The following AP5Z1 variants were observed in gnomAD, a reference collection of about 807,000 sequenced individuals.
AP5Z1 encodes the protein AP-5 complex subunit zeta-1.
A neutral mutation model predicts 83.0 loss-of-function variants in AP5Z1; 106 were observed. The observed-to-expected ratio is 1.28, with a 90% CI of 1.09 to 1.50. The LOEUF is 1.50. Ranked by LOEUF, AP5Z1 falls within the 40% of genes most tolerant of loss-of-function variation. The pLI is 0.00. For missense variants in AP5Z1, 1,565 were observed against 1,094.2 expected (o/e 1.43, Z -6.07); for synonymous variants, 751 against 514.1 (o/e 1.46, Z -6.23).
At chr7:4,778,931 G>T (rs1781296212) in intron 1 of AP5Z1, among the ~76,000 whole-genome samples, 1 of 146,216 alleles carries the variant, frequency 6.8e-6, no homozygotes, top group Admixed American at 6.9e-5. Context: ...TACTTGAAAG[G>T]CTGAGGTGGG....
At chr7:4,785,980 C>G (rs143694710) in intron 9 of AP5Z1, among the ~76,000 whole-genome samples, 2 of 152,198 alleles carry the variant, frequency 1.3e-5, no homozygotes, top group South Asian at 2.1e-4. Flanking sequence ...AATAAACAGA[C>G]TCTTTTTGCT....
chr7:4,786,573 A>G, intron 10 of AP5Z1, 145 bp downstream of exon 10: 2 of 923,804 alleles, frequency 2.2e-6, no homozygotes, highest in Non-Finnish European at 3.3e-6. Context: ...GTGCAGGGTG[A>G]GGTGGGGATC....
chr7:4,790,590 T>C lies in AP5Z1; in HGVS notation c.1937T>C (p.Val646Ala). The C allele has an allele frequency of 1.2e-6, 2 of 1,612,834 alleles. No homozygotes were observed. The highest frequency in any genetic ancestry group is 1.7e-6 in the Non-Finnish European group (2 of 1,179,802). ...AGCAGGGCGAGCCTCGTCACCAGCG[T>C]GGTAAGGCGGGCGCTGGCCTCCCAC... Reference protein sequence around the residue: ...LCSRASLVTSVVWAIGEYLSV... With the variant: ...LCSRASLVTSAVWAIGEYLSV... Residue 646 changes from valine to alanine, a missense_variant and splice_region_variant, in exon 15 of 17, where the codon GTG becomes GCG. Coordinates refer to ENST00000649063, the MANE Select transcript of AP5Z1 (RefSeq NM_014855.3).
intron 13 of AP5Z1, among the ~76,000 whole-genome samples, chr7:4,789,504 T>G (rs1583239752): frequency 6.6e-6 from 1 of 151,950 alleles, no homozygotes; most frequent in Non-Finnish European, 1.5e-5. Flanking sequence ...GCCTGGGAGG[T>G]GGGGAGGCCG....
rs566489527 is a variant in AP5Z1, at chr7:4,787,457, G to A, written c.1312-177G>A. ...GCTATGATTGCACCACTGCACTCCAGCCTGGGCGACAGAGCAAGACCCTGT... is the reference window on the plus strand; with the variant it reads ...GCTATGATTGCACCACTGCACTCCAACCTGGGCGACAGAGCAAGACCCTGT... On this transcript the variant is annotated intron_variant, in intron 10 of 16. Coordinates refer to ENST00000649063, the MANE Select transcript of AP5Z1 (RefSeq NM_014855.3). 1.0e-4 allele frequency: 97 copies of A among 947,694 alleles called. No individual in the cohort carries two copies. In the South Asian group the frequency reaches 1.7e-3, roughly 17 times the overall value. The allele number at this position is 947,694 out of a possible 1,614,324, so 58.7% of individuals were successfully genotyped here.
In AP5Z1 at chr7:4,793,389, C is replaced by G. The variant is rs143513418; in HGVS notation, c.*2004C>G. On this transcript the variant is annotated 3_prime_UTR_variant, in exon 17 of 17. Coordinates refer to ENST00000649063, the MANE Select transcript of AP5Z1 (RefSeq NM_014855.3). Reference sequence around the variant, plus strand: ...GCTGGCAGTCCTCACAGCCCTCGCTCGCTCTTGGCGCCTCCTCTGCCTGGG... The same window carrying G: ...GCTGGCAGTCCTCACAGCCCTCGCTGGCTCTTGGCGCCTCCTCTGCCTGGG... The G allele has an allele frequency of 6.6e-6, 1 of 152,550 alleles. No homozygotes were observed. The highest frequency in any genetic ancestry group is 2.1e-4 in the South Asian group (1 of 4,840). The allele number at this position is 152,550 out of a possible 1,614,324, so 9.4% of individuals were successfully genotyped here. A position where few individuals can be genotyped will look rare whatever the true frequency, so the allele number is the denominator to read the frequency against.
rs1037695706 is a variant in AP5Z1, at chr7:4,788,638, C to G, written c.1596-202C>G. The G allele has an allele frequency of 5.6e-6, 3 of 540,444 alleles. No individual in the cohort carries two copies. The Admixed American group carries it at 1.0e-4, about 19-fold the overall frequency. The allele number at this position is 540,444 out of a possible 1,614,324, so 33.5% of individuals were successfully genotyped here. On this transcript the variant is annotated intron_variant, in intron 12 of 16. Coordinates refer to ENST00000649063, the MANE Select transcript of AP5Z1 (RefSeq NM_014855.3). ...CCTCCTGCCCTCAGCCCACGCCAGC[C>G]TTTGTCCCGATGGCTTTACTGTCCC...
rs772238165 is a variant in AP5Z1 at position 4,793,297 on chromosome 7, G to T, written c.*1912G>T. Reference sequence around the variant, plus strand: ...ACTGAAATTTTAGAATAGTTTTTCAGATTTACAGAAAAGATGATAAACCTT... The same window carrying T: ...ACTGAAATTTTAGAATAGTTTTTCATATTTACAGAAAAGATGATAAACCTT... On this transcript the variant is annotated 3_prime_UTR_variant, in exon 17 of 17. Transcript: ENST00000649063. 1 of 152,280 alleles carries T rather than the reference G, an allele frequency of 6.6e-6. No individual in the cohort carries two copies. Among genetic ancestry groups the T allele is most frequent in the African/African-American group, 2.4e-5 (1 of 41,476 alleles). 9.4% of individuals were successfully genotyped at this position (152,280 alleles called of 1,614,324 possible).
In AP5Z1 at chr7:4,792,940, C is replaced by G. The variant is rs78049494; in HGVS notation, c.*1555C>G. 0.039 allele frequency: 6,149 copies of G among 159,588 alleles called. 407 individuals carry two copies. The highest frequency in any genetic ancestry group is 0.14 in the African/African-American group (5,784 of 41,612). The allele number at this position is 159,588 out of a possible 1,614,324, so 9.9% of individuals were successfully genotyped here. On this transcript the variant is annotated 3_prime_UTR_variant, in exon 17 of 17. Transcript: ENST00000649063. ...CCCTAGGCTCGGAATGAGTCTCCCA[C>G]TGAGTCCGCAGCTCCCCTCCTGCCC...
rs1781789924 is a variant in AP5Z1 at position 4,791,927 on chromosome 7, G to A, written c.*542G>A. Reference sequence around the variant, plus strand: ...TGCACAGCCCGGAAGGCAGCGGCGCGAGTTCCCGGGTGTGGTCACCGCTCT... The same window carrying A: ...TGCACAGCCCGGAAGGCAGCGGCGCAAGTTCCCGGGTGTGGTCACCGCTCT... On this transcript the variant is annotated 3_prime_UTR_variant, in exon 17 of 17. Coordinates refer to ENST00000649063, the MANE Select transcript of AP5Z1 (RefSeq NM_014855.3). The A allele has an allele frequency of 6.5e-6, 1 of 153,738 alleles. No homozygotes were observed. The highest frequency in any genetic ancestry group is 6.5e-5 in the Admixed American group (1 of 15,458). The allele number at this position is 153,738 out of a possible 1,614,324, so 9.5% of individuals were successfully genotyped here.
At position 4,794,301 on chromosome 7, in the gene AP5Z1, G is replaced by A. The variant is rs1781882664; in HGVS notation, c.*2916G>A. On this transcript the variant is annotated 3_prime_UTR_variant, in exon 17 of 17. Coordinates refer to ENST00000649063, the MANE Select transcript of AP5Z1 (RefSeq NM_014855.3). ...GTGGGGCCAGATGAGAATAAAAGCA[G>A]GCTGCCCGAGCCAGCAGTGACAACC... 1 of 152,232 alleles carries A rather than the reference G, an allele frequency of 6.6e-6. No individual in the cohort carries two copies. The highest frequency in any genetic ancestry group is 2.4e-5 in the African/African-American group (1 of 41,434). The allele number at this position is 152,232 out of a possible 1,614,324, so 9.4% of individuals were successfully genotyped here.
chr7:4,783,507 G>T (rs370139772), intron 4 of AP5Z1, 47 bp downstream of exon 4: 22 of 1,597,550 alleles, frequency 1.4e-5, no homozygotes, highest in Non-Finnish European at 1.9e-5. Flanking sequence ...TGCCTTCCCA[G>T]GTCCTTCCCT....
chr7:4,783,162 G>T (rs1225610543), intron 3 of AP5Z1, among the ~76,000 whole-genome samples, 154 bp from the exon 4 acceptor site: 1 of 152,240 alleles, frequency 6.6e-6, no homozygotes, highest in Non-Finnish European at 1.5e-5. Flanking sequence ...CTTGTGGCCC[G>T]GGGTGGGCCT....
chr7:4,776,562 CAAAAAAA>C (rs55916241), intron 1 of AP5Z1, among the ~76,000 whole-genome samples: 9,722 of 82,450 alleles, frequency 0.12, 633 homozygotes, highest in African/African-American at 0.21. Context: ...ACTGAAAATA[CAAAAAAA>C]AAAAAAAAAA....
At position 4,787,672 on chromosome 7, in the gene AP5Z1, T is replaced by C; in HGVS notation, c.1350T>C (p.Phe450=). The C allele has an allele frequency of 6.4e-7, 1 of 1,553,116 alleles. No homozygotes were observed. The highest frequency in any genetic ancestry group is 1.2e-5 in the South Asian group (1 of 84,184). Residue 450 remains phenylalanine, a synonymous_variant, in exon 11 of 17, where the codon TTT becomes TTC. Transcript: ENST00000649063. ...ACAGCCCACCCCTCACCTCCGAGTT[T>C]GTGGCGCTCCTCCCGGCCCTGGTGG... The part of the protein sequence containing the change: ...AWNSPPLTSE[F]VALLPALVDA...
intron 10 of AP5Z1, among the ~76,000 whole-genome samples, 177 bp downstream of exon 10, chr7:4,786,605 C>T (rs1024513988): frequency 1.6e-4 from 25 of 152,070 alleles, no homozygotes; most frequent in African/African-American, 3.9e-4. Flanking sequence ...TGCAGCGTCA[C>T]GTGATTGACG....
intron 1 of AP5Z1, among the ~76,000 whole-genome samples, chr7:4,777,967 C>G (rs1054553097): frequency 6.6e-6 from 1 of 152,236 alleles, no homozygotes; most frequent in Admixed American, 6.5e-5. Flanking sequence ...GCCTGTAATC[C>G]GAACACTTCG....
Position 4,775,679 on chromosome 7 carries a change from T to G in AP5Z1, c.-37T>G. ...AGCTCCTGGGCTGCAGCTCCTGGAG[T>G]TTCCGAGGTTCGTGCGCGTCTGGTG... On this transcript the variant is annotated 5_prime_UTR_variant, in exon 1 of 17. Transcript: ENST00000649063. 1.2e-6 allele frequency: 2 copies of G among 1,605,564 alleles called. No homozygotes were observed. Among genetic ancestry groups the G allele is most frequent in the Non-Finnish European group, 1.7e-6 (2 of 1,179,490 alleles).
At chr7:4,789,441 C>CT (rs1397064918) in intron 13 of AP5Z1, among the ~76,000 whole-genome samples, 3 of 152,244 alleles carry the variant, frequency 2.0e-5, no homozygotes, top group African/African-American at 7.2e-5. Context: ...TGCCCCCCAT[C>CT]TCCCCCATTG....
Sources: allele counts gnomAD v4.1 joint callset (sites outside exome capture counted in the v4.1 genomes callset), GRCh38; gene constraint gnomAD v4.1.1; transcripts MANE v1.5; gene names NCBI Gene and HGNC (gene_info 2026-07-23, HGNC 2026-07-21).